Variants in PACS2 observed in about 807,000 individuals in gnomAD.
PACS2 encodes the protein phosphofurin acidic cluster sorting protein 2.
Under a neutral mutation model 113.0 loss-of-function variants are expected in PACS2, and 36 were observed. The ratio of observed to expected loss-of-function variants is 0.32; its 90% CI spans 0.24 to 0.42. PACS2 has a LOEUF of 0.42. Ranked by LOEUF, PACS2 falls within the 10% of genes least tolerant of loss-of-function variation. The pLI, the probability that PACS2 is intolerant of heterozygous loss-of-function variation, is 1.00. For synonymous variants in PACS2, 589 were observed against 536.1 expected (o/e 1.10, Z -1.36); for missense variants, 1,015 against 1,239.5 (o/e 0.82, Z 2.72).
intron 4 of PACS2, among the ~76,000 whole-genome samples, chr14:105,359,566 C>T (rs1182079211): frequency 1.3e-5 from 2 of 150,894 alleles, no homozygotes; most frequent in Non-Finnish European, 3.0e-5. Flanking sequence ...TCTGGGCCTC[C>T]CAAAGTGTTG....
rs2081520662 is a variant in PACS2, at chr14:105,396,077, G to C, written c.*1405G>C. On this transcript the variant is annotated 3_prime_UTR_variant, in exon 25 of 25. Transcript: ENST00000447393. ...GAGATGGCCCACATTTCTTACTTGT[G>C]ACCGCCCTGCTCTTCCTGGCCGCCC... 1 of 152,346 alleles carries C rather than the reference G, an allele frequency of 6.6e-6. No homozygotes were observed. The allele number at this position is 152,346 out of a possible 1,614,324, so 9.4% of individuals were successfully genotyped here.
rs2060356774 is a variant in PACS2 at position 105,354,580 on chromosome 14, G to T, written c.298-472G>T. 6.6e-6 allele frequency among the ~76,000 whole-genome samples: 1 copy of T among 152,236 alleles called. No homozygotes were observed. Among genetic ancestry groups the T allele is most frequent in the Admixed American group, 6.5e-5 (1 of 15,286 alleles). ...GCTTGCTGGAGCCCTGCTGGACAGG[G>T]AGCCTGTGGTGAGACGTGCAGGCGA... On this transcript the variant is annotated intron_variant, in intron 3 of 24. Coordinates refer to ENST00000447393, the MANE Select transcript of PACS2 (RefSeq NM_001100913.3). The surrounding 1 kb of genome is among the most constrained non-coding windows in gnomAD (Gnocchi z 4.2).
chr14:105,374,549 C>A (rs2061274697), intron 8 of PACS2: 1 of 152,224 alleles, frequency 6.6e-6, no homozygotes, highest in African/African-American at 2.4e-5. Context: ...CTGGGGCCCG[C>A]CCACTCCTGC....
At chr14:105,327,816 G>A (rs2059177279) in intron 1 of PACS2, among the ~76,000 whole-genome samples, 1 of 152,200 alleles carries the variant, frequency 6.6e-6, no homozygotes, top group Non-Finnish European at 1.5e-5. Flanking sequence ...CAGGCCACCC[G>A]AGGGGCCATT....
chr14:105,362,380 G>A (rs587679610), intron 4 of PACS2, among the ~76,000 whole-genome samples: 23 of 147,014 alleles, frequency 1.6e-4, no homozygotes, highest in African/African-American at 3.4e-4. Context: ...TCGCGCCACT[G>A]CACTCCAGCC....
chr14:105,336,647 G>C (rs1254434907), intron 1 of PACS2: 1 of 152,364 alleles, frequency 6.6e-6, no homozygotes, highest in Non-Finnish European at 1.5e-5. Context: ...CGGGGCCAGA[G>C]TGTGCTGTTG....
intron 2 of PACS2, among the ~76,000 whole-genome samples, chr14:105,349,628 C>T (rs1246749573): frequency 6.6e-6 from 1 of 152,272 alleles, no homozygotes; most frequent in Non-Finnish European, 1.5e-5. Context: ...GGCTTGTTGT[C>T]TGTCCCAGTC....
intron 24 of PACS2, 139 bp downstream of exon 24, chr14:105,393,474 G>C: frequency 1.9e-6 from 1 of 538,356 alleles, no homozygotes; most frequent in East Asian, 3.3e-5. Flanking sequence ...AAGCACATTC[G>C]ATGAAGCCCT....
rs143059201 is a variant in PACS2 at position 105,330,341 on chromosome 14, C to T, written c.119+15304C>T. 7.3e-3 allele frequency among the ~76,000 whole-genome samples: 1,107 copies of T among 150,994 alleles called. 5 individuals carry two copies. The highest frequency in any genetic ancestry group is 0.024 in the Middle Eastern group (7 of 286). ...TGTGGGAAGGAACGGGGACAGGAGC[C>T]TCCAAGAAGCCTGGGGTCCGTGTGT... On this transcript the variant is annotated intron_variant, in intron 1 of 24. Coordinates refer to ENST00000447393, the MANE Select transcript of PACS2 (RefSeq NM_001100913.3). The surrounding 1 kb of genome is among the most constrained non-coding windows in gnomAD (Gnocchi z 6.9).
chr14:105,361,724 C>A (rs1208574646), intron 4 of PACS2, among the ~76,000 whole-genome samples: 1 of 151,772 alleles, frequency 6.6e-6, no homozygotes, highest in African/African-American at 2.4e-5. Context: ...CCAAGGCGGG[C>A]AGGTCACCTG....
intron 10 of PACS2, 25 bp from the exon 11 acceptor site, chr14:105,380,055 C>A: frequency 6.5e-7 from 1 of 1,547,706 alleles, no homozygotes; most frequent in South Asian, 1.2e-5. Flanking sequence ...TGAGCACAAG[C>A]TGATTCCCAT....
chr14:105,301,683 A>G (rs776099312), intron 1 of PACS2, among the ~76,000 whole-genome samples: 14 of 152,042 alleles, frequency 9.2e-5, no homozygotes, highest in Non-Finnish European at 1.6e-4. Flanking sequence ...TAAAATTCCC[A>G]CTTTCTAGCA....
At chr14:105,384,778 G>T (rs1321030667) in intron 17 of PACS2, 101 bp from the exon 18 acceptor site, 5 of 771,660 alleles carry the variant, frequency 6.5e-6, no homozygotes, top group African/African-American at 5.1e-5. Flanking sequence ...GCGCTTCGGG[G>T]TACGGGAGGC....
chr14:105,357,120 C>T lies in PACS2; in HGVS notation c.423+1943C>T, dbSNP rs1555405455. On this transcript the variant is annotated intron_variant, in intron 4 of 24. Transcript: ENST00000447393. The surrounding 1 kb of genome is among the most constrained non-coding windows in gnomAD (Gnocchi z 5.1). Reference sequence around the variant, plus strand: ...TGCACCCCAGTGCCCCAGGCGGCTCCTCCCAGCCCCTCTCAGCACTGGTGC... The same window carrying T: ...TGCACCCCAGTGCCCCAGGCGGCTCTTCCCAGCCCCTCTCAGCACTGGTGC... Among the ~76,000 whole-genome samples the T allele has an allele frequency of 6.6e-6, 1 of 152,186 alleles. No individual in the cohort carries two copies. The highest frequency in any genetic ancestry group is 2.4e-5 in the African/African-American group (1 of 41,444).
chr14:105,383,260 G>A lies in PACS2; in HGVS notation c.1626-99G>A, dbSNP rs782186163. The A allele has an allele frequency of 1.3e-5, 18 of 1,396,186 alleles. No individual in the cohort carries two copies. The South Asian group carries it at 1.6e-4, about 13-fold the overall frequency. 86.5% of individuals were successfully genotyped at this position (1,396,186 alleles called of 1,614,324 possible). A position where few individuals can be genotyped will look rare whatever the true frequency, so the allele number is the denominator to read the frequency against. On this transcript the variant is annotated intron_variant, in intron 15 of 24. Coordinates refer to ENST00000447393, the MANE Select transcript of PACS2 (RefSeq NM_001100913.3). The stretch of plus-strand genomic sequence containing the variant: ...GGCAGTTGTGGCATGAGCGGCCACA[G>A]GCACGGAGCCCCCTGGGCTCACACT...
At chr14:105,360,961 ACTT>A (rs1449674506) in intron 4 of PACS2, among the ~76,000 whole-genome samples, 33 of 152,200 alleles carry the variant, frequency 2.2e-4, no homozygotes, top group African/African-American at 8.0e-4. Flanking sequence ...ATGAGAAGCC[ACTT>A]CTTATCAGCT....
intron 4 of PACS2, among the ~76,000 whole-genome samples, chr14:105,360,365 T>C (rs143387074): frequency 0.015 from 2,303 of 151,636 alleles, 64 homozygotes; most frequent in African/African-American, 0.053. Flanking sequence ...TATGGTGAAA[T>C]GTCGTCTCTA....
Position 105,357,576 on chromosome 14 carries a change from G to A in PACS2, c.423+2399G>A, listed in dbSNP as rs1265518350. 6.6e-6 allele frequency among the ~76,000 whole-genome samples: 1 copy of A among 152,158 alleles called. No homozygotes were observed. The highest frequency in any genetic ancestry group is 1.5e-5 in the Non-Finnish European group (1 of 68,032). On this transcript the variant is annotated intron_variant, in intron 4 of 24. Transcript: ENST00000447393. The surrounding 1 kb of genome is among the most constrained non-coding windows in gnomAD (Gnocchi z 5.1). ...GTCCCCGAGCACCAGGGCGGTTCAT[G>A]GGCTCCCTGTGTCCTGCCACCTTTT...
chr14:105,360,499 C>T (rs587770870), intron 4 of PACS2, among the ~76,000 whole-genome samples: 6 of 150,426 alleles, frequency 4.0e-5, no homozygotes, highest in Non-Finnish European at 8.9e-5. Context: ...GCCGAGATCA[C>T]GCCACTGCAT....
Sources: allele counts gnomAD v4.1 joint callset (sites outside exome capture counted in the v4.1 genomes callset), GRCh38; gene constraint gnomAD v4.1.1; non-coding constraint Gnocchi (gnomAD v3.1); transcripts MANE v1.5; gene names NCBI Gene and HGNC (gene_info 2026-07-23, HGNC 2026-07-21).